The following LSAMP variants were observed in gnomAD, a reference collection of about 807,000 sequenced individuals.
The protein encoded by LSAMP is limbic system-associated membrane protein.
A neutral mutation model predicts 38.6 loss-of-function variants in LSAMP; 7 were observed. That is an observed-to-expected ratio of 0.18 (90% CI 0.10 to 0.34). The LOEUF is 0.34. Among genes scored for constraint, LSAMP ranks in the 10% least tolerant of loss-of-function variants. The pLI is 1.00. For synonymous variants in LSAMP, 154 were observed against 166.8 expected, an observed-to-expected ratio of 0.92 and a Z score of 0.59; for missense variants, 313 against 420.0, an observed-to-expected ratio of 0.75 and a Z score of 2.23.
At chr3:116,405,830 T>C (rs2048891058) in intron 1 of LSAMP, among the ~76,000 whole-genome samples, 1 of 152,100 alleles carries the variant, frequency 6.6e-6, no homozygotes, top group African/African-American at 2.4e-5. Flanking sequence ...AGAATCCACC[T>C]TTCTGATCTG....
intron 1 of LSAMP, among the ~76,000 whole-genome samples, chr3:116,358,216 T>C (rs1362391469): frequency 6.6e-6 from 1 of 152,146 alleles, no homozygotes; most frequent in African/African-American, 2.4e-5. Context: ...TTGCTTTTAC[T>C]GGAAGGAGGG....
At chr3:116,113,223 T>A (rs1291818128) in intron 1 of LSAMP, among the ~76,000 whole-genome samples, 1 of 151,524 alleles carries the variant, frequency 6.6e-6, no homozygotes, top group Non-Finnish European at 1.5e-5. Context: ...ATTTTTTTTT[T>A]AAGTAGGAGA....
chr3:115,821,038 T>C (rs1934212117), intron 6 of LSAMP, among the ~76,000 whole-genome samples: 1 of 152,216 alleles, frequency 6.6e-6, no homozygotes, highest in Non-Finnish European at 1.5e-5. Context: ...CAAGTTTCTT[T>C]TGAAGATTTA....
chr3:115,990,283 T>C (rs538191002), intron 3 of LSAMP, among the ~76,000 whole-genome samples: 1 of 152,184 alleles, frequency 6.6e-6, no homozygotes, highest in East Asian at 1.9e-4. Flanking sequence ...TAGAGGGCTA[T>C]AACAGCCAAT....
intron 1 of LSAMP, among the ~76,000 whole-genome samples, chr3:116,163,031 G>C (rs887951459): frequency 4.0e-5 from 6 of 151,868 alleles, no homozygotes; most frequent in Non-Finnish European, 7.4e-5. Flanking sequence ...AGGGGCAACA[G>C]CAAAATGAAA....
chr3:115,995,783 T>C (rs1370739052), intron 3 of LSAMP, among the ~76,000 whole-genome samples: 1 of 152,088 alleles, frequency 6.6e-6, no homozygotes, highest in East Asian at 1.9e-4. Flanking sequence ...CAATGACTTA[T>C]CCCCATGATC....
intron 1 of LSAMP, among the ~76,000 whole-genome samples, chr3:116,301,205 A>C (rs2047404007): frequency 6.6e-6 from 1 of 152,150 alleles, no homozygotes; most frequent in Non-Finnish European, 1.5e-5. Flanking sequence ...ATATGCAATA[A>C]AAAGCTACAC....
chr3:116,121,884 GAT>G (rs1491239243), intron 1 of LSAMP, among the ~76,000 whole-genome samples: 1 of 122,208 alleles, frequency 8.2e-6, no homozygotes, highest in African/African-American at 3.5e-5. Flanking sequence ...ATTTTTTTGT[GAT>G]TTTTTTTTTT....
chr3:116,383,535 C>G (rs977793446), intron 1 of LSAMP, among the ~76,000 whole-genome samples: 2 of 152,042 alleles, frequency 1.3e-5, no homozygotes, highest in Non-Finnish European at 2.9e-5. Flanking sequence ...GGACCAGGAC[C>G]AGGTCCTAGG....
At chr3:116,222,097 G>A (rs2046292227) in intron 1 of LSAMP, among the ~76,000 whole-genome samples, 2 of 151,830 alleles carry the variant, frequency 1.3e-5, no homozygotes, top group Admixed American at 1.3e-4. Context: ...CTAAAGATGG[G>A]TTTATACAAG....
chr3:116,271,627 A>G (rs1487863949), intron 1 of LSAMP, among the ~76,000 whole-genome samples: 1 of 152,006 alleles, frequency 6.6e-6, no homozygotes. Context: ...AAAACATTCT[A>G]CTCTACTAAC....
intron 1 of LSAMP, among the ~76,000 whole-genome samples, chr3:116,336,063 C>T (rs1264858424): frequency 6.6e-6 from 1 of 151,874 alleles, no homozygotes; most frequent in African/African-American, 2.4e-5. Context: ...TATTCACATG[C>T]AAAAGAATGA....
At chr3:116,260,425 T>C (rs1226915045) in intron 1 of LSAMP, among the ~76,000 whole-genome samples, 3 of 151,966 alleles carry the variant, frequency 2.0e-5, no homozygotes, top group East Asian at 3.9e-4. Flanking sequence ...TGAACTGCTA[T>C]ATTAACTTAC....
intron 1 of LSAMP, among the ~76,000 whole-genome samples, chr3:116,244,080 C>T (rs1437377578): frequency 6.6e-6 from 1 of 152,134 alleles, no homozygotes; most frequent in Non-Finnish European, 1.5e-5. Context: ...ATAAAGACCT[C>T]TAGGTAACAG....
At chr3:116,305,524 A>ATAAAG (rs140564062) in intron 1 of LSAMP, among the ~76,000 whole-genome samples, 2,666 of 152,060 alleles carry the variant, frequency 0.018, 76 homozygotes, top group African/African-American at 0.06. Context: ...ATACTTTAAA[A>ATAAAG]TAAAGTATGC....
chr3:116,154,465 A>G (rs72961510), intron 1 of LSAMP, among the ~76,000 whole-genome samples: 1 of 152,256 alleles, frequency 6.6e-6, no homozygotes, highest in East Asian at 1.9e-4. Context: ...TTTAAGACTC[A>G]AATGGAATCT....
In LSAMP at chr3:116,234,660, C is replaced by T. The variant is rs2046443729; in HGVS notation, c.156-148104G>A. Among the ~76,000 whole-genome samples the T allele has an allele frequency of 2.6e-5, 4 of 152,160 alleles. No individual in the cohort carries two copies. In the South Asian group the frequency reaches 8.3e-4, roughly 32 times the overall value. ...ACTACAGGTTTTAATGGAAAGATAA[C>T]TAAAACAAGCCCTCTAAAAAATGAA... On this transcript the variant is annotated intron_variant, in intron 1 of 6. Coordinates refer to ENST00000490035, the MANE Select transcript of LSAMP (RefSeq NM_002338.5).
chr3:115,826,501 C>A (rs73858079), intron 6 of LSAMP, among the ~76,000 whole-genome samples: 11,163 of 152,186 alleles, frequency 0.073, 664 homozygotes, highest in African/African-American at 0.16. Flanking sequence ...CAAACACCTA[C>A]CAGTTATCTT....
At chr3:116,055,519 C>T (rs1941475925) in intron 2 of LSAMP, among the ~76,000 whole-genome samples, 1 of 152,020 alleles carries the variant, frequency 6.6e-6, no homozygotes, top group Non-Finnish European at 1.5e-5. Flanking sequence ...GGTTAGGTCC[C>T]CCTGCCCAGC....
Sources: allele counts gnomAD v4.1 joint callset (sites outside exome capture counted in the v4.1 genomes callset), GRCh38; gene constraint gnomAD v4.1.1; transcripts MANE v1.5; gene names NCBI Gene and HGNC (gene_info 2026-07-23, HGNC 2026-07-21).